The following VWA3B variants were observed in gnomAD, a reference collection of about 807,000 sequenced individuals.
VWA3B encodes von Willebrand factor A domain-containing protein 3B.
VWA3B carries 138 observed loss-of-function variants against 158.3 expected under a neutral mutation model. The observed-to-expected ratio is 0.87, with a 90% CI of 0.76 to 1.00. The LOEUF is 1.00. Among genes scored for constraint, VWA3B ranks in the 50% least tolerant of loss-of-function variants. The pLI is 0.00. For synonymous variants in VWA3B, 596 were observed against 587.3 expected, an observed-to-expected ratio of 1.01 and a Z score of -0.21; for missense variants, 1,555 against 1,565.1, an observed-to-expected ratio of 0.99 and a Z score of 0.11.
At chr2:98,266,184 C>T (rs1464816196) in intron 21 of VWA3B, among the ~76,000 whole-genome samples, 13 of 151,036 alleles carry the variant, frequency 8.6e-5, no homozygotes, top group African/African-American at 2.7e-4. Context: ...TTAGGTCTAA[C>T]GTTTAAGTCT....
At chr2:98,194,635 G>T in intron 12 of VWA3B, 143 bp downstream of exon 12, 5 of 957,156 alleles carry the variant, frequency 5.2e-6, no homozygotes, top group East Asian at 2.5e-5. Flanking sequence ...TGTTTTGCTT[G>T]CAGTGGTCAC....
At chr2:98,243,463 A>G (rs1157868640) in intron 19 of VWA3B, among the ~76,000 whole-genome samples, 1 of 151,948 alleles carries the variant, frequency 6.6e-6, no homozygotes, top group Non-Finnish European at 1.5e-5. Context: ...CCTCCCGAGT[A>G]GCTGTGATTA....
At chr2:98,218,892 G>A (rs78130323) in intron 14 of VWA3B, among the ~76,000 whole-genome samples, 274 of 152,294 alleles carry the variant, frequency 1.8e-3, no homozygotes, top group African/African-American at 6.3e-3. Flanking sequence ...AGTGAGGATT[G>A]GAAACTTCAT....
At chr2:98,203,969 T>C (rs1282463597) in intron 12 of VWA3B, among the ~76,000 whole-genome samples, 3 of 152,376 alleles carry the variant, frequency 2.0e-5, no homozygotes, top group African/African-American at 7.2e-5. Context: ...TAACAACTAC[T>C]TATGTAGAAT....
chr2:98,173,616 C>T (rs1410721746), intron 8 of VWA3B, among the ~76,000 whole-genome samples: 2 of 152,142 alleles, frequency 1.3e-5, no homozygotes, highest in Admixed American at 1.3e-4. Flanking sequence ...GGGAAAGATA[C>T]TGGAATGCGA....
At chr2:98,228,434 T>C (rs1685094232) in intron 15 of VWA3B, 102 bp downstream of exon 15, 1 of 1,403,478 alleles carries the variant, frequency 7.1e-7, no homozygotes, top group South Asian at 1.6e-5. Context: ...TGAAATTTCT[T>C]TTAGTGAAAA....
intron 24 of VWA3B, among the ~76,000 whole-genome samples, chr2:98,298,443 T>TATTCTATTCTATGCC (rs1409392020): frequency 1.8e-4 from 22 of 121,672 alleles, no homozygotes; most frequent in African/African-American, 3.0e-4. Flanking sequence ...TATTCTATTC[T>TATTCTATTCTATGCC]ATGCCATGCC....
intron 6 of VWA3B, among the ~76,000 whole-genome samples, chr2:98,130,073 G>T (rs182168098): frequency 6.2e-4 from 94 of 152,252 alleles, no homozygotes; most frequent in Non-Finnish European, 4.9e-4. Flanking sequence ...GATCATTATC[G>T]GGTGTGGCAG....
intron 7 of VWA3B, among the ~76,000 whole-genome samples, chr2:98,136,156 T>C (rs763134942): frequency 2.6e-5 from 4 of 152,240 alleles, no homozygotes; most frequent in Non-Finnish European, 5.9e-5. Context: ...TGACTTACCA[T>C]GACCCCATGC....
At chr2:98,211,477 T>A (rs561755576) in intron 12 of VWA3B, among the ~76,000 whole-genome samples, 24 of 152,214 alleles carry the variant, frequency 1.6e-4, no homozygotes, top group Non-Finnish European at 3.2e-4. Context: ...ATGTTAGATA[T>A]GCCCACATGT....
chr2:98,088,627 C>T (rs569822884), intron 1 of VWA3B, among the ~76,000 whole-genome samples: 8 of 152,290 alleles, frequency 5.3e-5, no homozygotes, highest in South Asian at 4.1e-4. Context: ...TGCTCAACTC[C>T]GGTATGTTGT....
intron 7 of VWA3B, among the ~76,000 whole-genome samples, chr2:98,151,563 C>T (rs774487237): frequency 2.6e-5 from 4 of 152,064 alleles, no homozygotes; most frequent in Non-Finnish European, 4.4e-5. Flanking sequence ...TCCACTCACA[C>T]GGAGGTGGGG....
chr2:98,243,426 C>T (rs191616681), intron 19 of VWA3B, among the ~76,000 whole-genome samples: 39 of 151,944 alleles, frequency 2.6e-4, no homozygotes, highest in Admixed American at 1.6e-3. Flanking sequence ...CTCTGTCTCC[C>T]GGGTTCAAGC....
intron 4 of VWA3B, 72 bp from the exon 5 acceptor site, chr2:98,121,224 GGCT>G (rs1230198829): frequency 6.5e-7 from 1 of 1,542,342 alleles, no homozygotes; most frequent in African/African-American, 1.4e-5. Context: ...TGCTGCTCAT[GGCT>G]GTGAGACGGA....
intron 22 of VWA3B, among the ~76,000 whole-genome samples, chr2:98,273,252 T>C (rs1039797274): frequency 2.0e-5 from 3 of 152,248 alleles, no homozygotes; most frequent in African/African-American, 4.8e-5. Context: ...AATTCTCTTT[T>C]TGATGCTCTA....
chr2:98,168,887 C>G (rs115450507), intron 8 of VWA3B, among the ~76,000 whole-genome samples: 1 of 151,956 alleles, frequency 6.6e-6, no homozygotes, highest in Non-Finnish European at 1.5e-5. Flanking sequence ...GGGATTCCTG[C>G]GGGGAGGAAG....
chr2:98,281,380 G>A (rs1056071668), intron 22 of VWA3B, among the ~76,000 whole-genome samples: 2 of 152,210 alleles, frequency 1.3e-5, no homozygotes, highest in Non-Finnish European at 2.9e-5. Context: ...TTTGATTAGA[G>A]CAGTGACAGA....
At chr2:98,183,043 A>G (rs1558646253) in intron 9 of VWA3B, among the ~76,000 whole-genome samples, 1 of 152,196 alleles carries the variant, frequency 6.6e-6, no homozygotes, top group South Asian at 2.1e-4. Flanking sequence ...ATCATCTCCT[A>G]ACTCATTCTT....
chr2:98,201,862 A>C (rs1682570496), intron 12 of VWA3B, among the ~76,000 whole-genome samples: 1 of 152,180 alleles, frequency 6.6e-6, no homozygotes, highest in Admixed American at 6.5e-5. Context: ...ATTCTGGGAT[A>C]ATCTCCACTT....
Sources: gnomAD v4.1 joint callset for allele counts (sites outside exome capture counted in the v4.1 genomes callset) on GRCh38, gnomAD v4.1.1 for gene constraint, MANE v1.5 for transcripts, NCBI Gene and HGNC (gene_info 2026-07-23, HGNC 2026-07-21) for gene names.